CNTN4: variants seen among roughly 807,000 people sequenced by gnomAD.
CNTN4 encodes contactin 4, also known as contactin-4.
Under a neutral mutation model 122.5 loss-of-function variants are expected in CNTN4, and 77 were observed. That is an observed-to-expected ratio of 0.63 (90% CI 0.52 to 0.76). CNTN4 has a LOEUF of 0.76. Ranked by LOEUF, CNTN4 falls within the 30% of genes least tolerant of loss-of-function variation. CNTN4 has a pLI of 0.00. For missense variants in CNTN4, 1,256 were observed against 1,259.1 expected (o/e 1.00, Z 0.04); for synonymous variants, 512 against 447.0 (o/e 1.15, Z -1.83).
intron 4 of CNTN4, among the ~76,000 whole-genome samples, chr3:2,708,735 A>AT (rs1559413315): frequency 9.7e-5 from 2 of 20,550 alleles, no homozygotes; most frequent in Non-Finnish European, 2.5e-4. Flanking sequence ...CATCACACAC[A>AT]CACACACACA....
chr3:2,782,643 A>C (rs898151709), intron 6 of CNTN4, among the ~76,000 whole-genome samples: 9 of 152,176 alleles, frequency 5.9e-5, no homozygotes, highest in Admixed American at 3.3e-4. Flanking sequence ...GGCGAACAGG[A>C]GACCAGGTGT....
intron 14 of CNTN4, among the ~76,000 whole-genome samples, chr3:3,013,154 C>T (rs1398180088): frequency 6.6e-6 from 1 of 151,868 alleles, no homozygotes; most frequent in African/African-American, 2.4e-5. Context: ...TGTTAAAATC[C>T]ATTAACTCAT....
At chr3:2,840,543 A>AC (rs2093337814) in intron 7 of CNTN4, among the ~76,000 whole-genome samples, 2 of 29,250 alleles carry the variant, frequency 6.8e-5, no homozygotes, top group Non-Finnish European at 4.0e-4. Context: ...TACTAAAAAT[A>AC]CAAAAATTAG....
intron 6 of CNTN4, among the ~76,000 whole-genome samples, chr3:2,806,454 A>G (rs1015864773): frequency 6.6e-6 from 1 of 152,192 alleles, no homozygotes; most frequent in African/African-American, 2.4e-5. Flanking sequence ...GGTCTTCCTA[A>G]CTGAAATCCT....
intron 7 of CNTN4, among the ~76,000 whole-genome samples, chr3:2,850,847 C>T (rs1313463322): frequency 2.6e-5 from 4 of 151,342 alleles, no homozygotes; most frequent in Non-Finnish European, 4.4e-5. Flanking sequence ...TTTTTTTTCC[C>T]CTGGGGAAAC....
chr3:2,779,236 T>G (rs986508181), intron 6 of CNTN4, among the ~76,000 whole-genome samples: 1 of 142,376 alleles, frequency 7.0e-6, no homozygotes, highest in Non-Finnish European at 1.5e-5. Flanking sequence ...CAGGTTGTGG[T>G]GTTGTTTGTT....
chr3:2,745,573 T>C lies in CNTN4; in HGVS notation c.234T>C (p.Ser78=). Residue 78 remains serine, a synonymous_variant, in exon 6 of 25, where the codon AGT becomes AGC. Transcript: ENST00000418658. The part of the protein sequence containing the change: ...DVDTGMDFRY[S]VVEGSLLINN... ...ACACTGGTATGGATTTCCGCTACAGTGTTGTTGAAGGGAGCTTGTTGATCA... is the reference window on the plus strand; with the variant it reads ...ACACTGGTATGGATTTCCGCTACAGCGTTGTTGAAGGGAGCTTGTTGATCA... 1 of 1,614,142 alleles carries C rather than the reference T, an allele frequency of 6.2e-7. No homozygotes were observed. Among genetic ancestry groups the C allele is most frequent in the Non-Finnish European group, 8.5e-7 (1 of 1,180,000 alleles).
chr3:2,574,432 A>G (rs903717129), intron 4 of CNTN4, among the ~76,000 whole-genome samples: 1 of 152,090 alleles, frequency 6.6e-6, no homozygotes, highest in Non-Finnish European at 1.5e-5. Flanking sequence ...ATCCAAATAT[A>G]CAAGCAGGCT....
intron 8 of CNTN4, among the ~76,000 whole-genome samples, chr3:2,879,546 C>A (rs186218630): frequency 2.6e-5 from 4 of 152,256 alleles, no homozygotes; most frequent in Non-Finnish European, 5.9e-5. Flanking sequence ...GTTACAACAT[C>A]GATCAATCTC....
rs553246492 is a variant in CNTN4 at position 2,220,344 on chromosome 3, T to A, written c.-144-118834T>A. Among the ~76,000 whole-genome samples, 3 of 152,290 alleles carry A rather than the reference T, an allele frequency of 2.0e-5. No homozygotes were observed. In the East Asian group the frequency reaches 5.8e-4, roughly 29 times the overall value. On this transcript the variant is annotated intron_variant, in intron 2 of 24. Transcript: ENST00000418658. ...TTCCCACTGTGGTAACAATTACTAA[T>A]GGACAAATTCCCTACATTTTGTAAC...
intron 3 of CNTN4, among the ~76,000 whole-genome samples, chr3:2,373,309 A>G (rs2045701011): frequency 1.3e-5 from 2 of 152,334 alleles, no homozygotes; most frequent in African/African-American, 4.8e-5. Flanking sequence ...TTAAAGACCT[A>G]GAGATTAATG....
chr3:2,246,480 G>A (rs1420153126), intron 2 of CNTN4, among the ~76,000 whole-genome samples: 1 of 151,936 alleles, frequency 6.6e-6, no homozygotes, highest in African/African-American at 2.4e-5. Flanking sequence ...TCCATAGATA[G>A]TTACTTTCAT....
At chr3:2,869,578 C>G (rs1302915062) in intron 8 of CNTN4, among the ~76,000 whole-genome samples, 1 of 152,186 alleles carries the variant, frequency 6.6e-6, no homozygotes, top group African/African-American at 2.4e-5. Flanking sequence ...AAATACATAA[C>G]TTCTCCCTTG....
intron 17 of CNTN4, among the ~76,000 whole-genome samples, chr3:3,035,825 G>A (rs1699553800): frequency 6.6e-6 from 1 of 151,986 alleles, no homozygotes; most frequent in African/African-American, 2.4e-5. Flanking sequence ...AAATTGCTGG[G>A]ATTTCAGGCG....
intron 3 of CNTN4, among the ~76,000 whole-genome samples, chr3:2,449,511 A>C (rs2048746167): frequency 6.6e-6 from 1 of 151,052 alleles, no homozygotes; most frequent in Non-Finnish European, 1.5e-5. Flanking sequence ...GCTACTAGGG[A>C]GGTTGAGGCA....
In CNTN4 at chr3:2,881,250, T is replaced by A. The variant is rs188523508; in HGVS notation, c.653-1895T>A. Among the ~76,000 whole-genome samples the A allele has an allele frequency of 2.0e-5, 3 of 152,210 alleles. No individual in the cohort carries two copies. The East Asian group carries it at 5.8e-4, about 29-fold the overall frequency. On this transcript the variant is annotated intron_variant, in intron 8 of 24. Transcript: ENST00000418658. Reference sequence around the variant, plus strand: ...CACCTCGGTGGGGTGCGGTGGCTCATGCCTGTAATCCCAGCACTTTGGGAG... The same window carrying A: ...CACCTCGGTGGGGTGCGGTGGCTCAAGCCTGTAATCCCAGCACTTTGGGAG...
intron 3 of CNTN4, among the ~76,000 whole-genome samples, chr3:2,350,303 A>G (rs76187920): frequency 0.017 from 2,555 of 152,294 alleles, 76 homozygotes; most frequent in African/African-American, 0.059. Flanking sequence ...TTAAGAGTGT[A>G]AAAAACAAGG....
chr3:2,822,279 T>A (rs11711089), intron 7 of CNTN4, among the ~76,000 whole-genome samples: 3 of 152,130 alleles, frequency 2.0e-5, no homozygotes, highest in Non-Finnish European at 2.9e-5. Flanking sequence ...TATTTGATAC[T>A]GGGAAAATAT....
chr3:3,055,678 C>T (rs184422003), intron 24 of CNTN4, among the ~76,000 whole-genome samples: 4 of 152,100 alleles, frequency 2.6e-5, no homozygotes, highest in Non-Finnish European at 5.9e-5. Context: ...TTTCTCTGGG[C>T]GCAAATTACC....
Sources: gnomAD v4.1 joint callset for allele counts (sites outside exome capture counted in the v4.1 genomes callset) on GRCh38, gnomAD v4.1.1 for gene constraint, MANE v1.5 for transcripts, NCBI Gene and HGNC (gene_info 2026-07-23, HGNC 2026-07-21) for gene names.